The following MALRD1 variants were observed in gnomAD, a reference collection of about 807,000 sequenced individuals.
The protein encoded by MALRD1 is MAM and LDL receptor class A domain containing 1.
In MALRD1, 247 loss-of-function variants were observed where a neutral mutation model predicts 242.1. The ratio of observed to expected loss-of-function variants is 1.02; its 90% CI spans 0.92 to 1.13. The LOEUF (loss-of-function observed/expected upper bound fraction) is 1.13. Among genes scored for constraint, MALRD1 ranks in the 50% most tolerant of loss-of-function variants. MALRD1 has a pLI of 0.00. For missense variants in MALRD1, 2,989 were observed against 2,533.1 expected (o/e 1.18, Z -3.86); for synonymous variants, 995 against 866.6 (o/e 1.15, Z -2.60).
chr10:19,665,919 A>G (rs1013062861), intron 36 of MALRD1, among the ~76,000 whole-genome samples: 1 of 151,964 alleles, frequency 6.6e-6, no homozygotes, highest in African/African-American at 2.4e-5. Flanking sequence ...CCGTAACAGA[A>G]AACAGGCTGT....
chr10:19,212,739 TCCAAGC>T (rs1392983039), intron 18 of MALRD1, among the ~76,000 whole-genome samples: 3 of 152,156 alleles, frequency 2.0e-5, no homozygotes, highest in Non-Finnish European at 4.4e-5. Flanking sequence ...CTTCTCCACA[TCCAAGC>T]CAGTGCTTGG....
intron 17 of MALRD1, among the ~76,000 whole-genome samples, chr10:19,205,487 C>T (rs1171483853): frequency 1.3e-5 from 2 of 150,860 alleles, no homozygotes; most frequent in African/African-American, 4.9e-5. Context: ...ATAAATACAA[C>T]TACAGAGTCC....
At chr10:19,148,780 A>AT in intron 11 of MALRD1, among the ~76,000 whole-genome samples, 2 of 72,128 alleles carry the variant, frequency 2.8e-5, no homozygotes, top group African/African-American at 1.0e-4. Flanking sequence ...AATTAAAAAA[A>AT]AAAAAAAAAT....
chr10:19,435,065 A>G (rs1400718848), intron 28 of MALRD1, among the ~76,000 whole-genome samples: 1 of 150,906 alleles, frequency 6.6e-6, no homozygotes, highest in Non-Finnish European at 1.5e-5. Context: ...TGACTTTGTC[A>G]GATGCAATTT....
At chr10:19,694,425 CA>C (rs1196529531) in intron 38 of MALRD1, among the ~76,000 whole-genome samples, 1 of 152,180 alleles carries the variant, frequency 6.6e-6, no homozygotes, top group East Asian at 1.9e-4. Flanking sequence ...TATGAACAGA[CA>C]CTTCTCAAAA....
At chr10:19,244,504 A>G (rs951744675) in intron 18 of MALRD1, among the ~76,000 whole-genome samples, 1 of 151,992 alleles carries the variant, frequency 6.6e-6, no homozygotes, top group African/African-American at 2.4e-5. Context: ...CGAGAGGCAG[A>G]GGTGTGAGCC....
At chr10:19,129,662 A>C (rs1192017190) in intron 8 of MALRD1, among the ~76,000 whole-genome samples, 1 of 151,558 alleles carries the variant, frequency 6.6e-6, no homozygotes, top group Non-Finnish European at 1.5e-5. Flanking sequence ...TTGATTAGGA[A>C]ATTAACAGGT....
At chr10:19,467,741 T>G (rs1836292078) in intron 29 of MALRD1, among the ~76,000 whole-genome samples, 1 of 151,878 alleles carries the variant, frequency 6.6e-6, no homozygotes, top group Non-Finnish European at 1.5e-5. Flanking sequence ...AATGCTAGTA[T>G]GTATTATTTC....
intron 2 of MALRD1, among the ~76,000 whole-genome samples, chr10:19,068,497 G>A (rs1835047505): frequency 6.6e-6 from 1 of 152,000 alleles, no homozygotes; most frequent in African/African-American, 2.4e-5. Context: ...TGTAGTCTCA[G>A]TTTCCTTATC....
intron 24 of MALRD1, among the ~76,000 whole-genome samples, chr10:19,347,393 A>G (rs1844180458): frequency 1.3e-5 from 2 of 152,188 alleles, no homozygotes. Context: ...GGGCAGCATT[A>G]CCCAACCTAA....
chr10:19,259,310 C>T (rs1577291), intron 19 of MALRD1, among the ~76,000 whole-genome samples: 2,315 of 152,194 alleles, frequency 0.015, 63 homozygotes, highest in African/African-American at 0.053. Context: ...TACTTGAGCA[C>T]TTCAGCCAAT....
intron 17 of MALRD1, among the ~76,000 whole-genome samples, chr10:19,208,591 G>T (rs993225591): frequency 2.0e-5 from 3 of 152,124 alleles, no homozygotes; most frequent in Non-Finnish European, 4.4e-5. Context: ...AAGAGATTTT[G>T]GGAATGAGGT....
At chr10:19,654,546 T>C (rs1841052307) in intron 36 of MALRD1, among the ~76,000 whole-genome samples, 1 of 152,156 alleles carries the variant, frequency 6.6e-6, no homozygotes, top group Non-Finnish European at 1.5e-5. Flanking sequence ...CTGACTATAT[T>C]TGAGAAAGGA....
intron 38 of MALRD1, among the ~76,000 whole-genome samples, chr10:19,729,972 C>T (rs1009922432): frequency 4.6e-5 from 7 of 151,780 alleles, no homozygotes; most frequent in Admixed American, 1.3e-4. Flanking sequence ...CTCCTGACCT[C>T]GTGATCCGCC....
intron 1 of MALRD1, among the ~76,000 whole-genome samples, chr10:19,050,881 A>T (rs1384791999): frequency 6.6e-6 from 1 of 152,204 alleles, no homozygotes; most frequent in African/African-American, 2.4e-5. Context: ...TGCTTCAGAG[A>T]AAAGGTTAAC....
intron 2 of MALRD1, among the ~76,000 whole-genome samples, chr10:19,071,992 G>T (rs1424634099): frequency 6.6e-6 from 1 of 152,170 alleles, no homozygotes; most frequent in Non-Finnish European, 1.5e-5. Context: ...GCTCTTGTCT[G>T]TGGTGAACTT....
At chr10:19,362,483 A>G (rs974853101) in intron 26 of MALRD1, among the ~76,000 whole-genome samples, 2 of 152,134 alleles carry the variant, frequency 1.3e-5, no homozygotes, top group Non-Finnish European at 2.9e-5. Flanking sequence ...CTTGAAGGAG[A>G]TATGGAAATT....
chr10:19,452,481 G>A (rs1171316517), intron 29 of MALRD1, among the ~76,000 whole-genome samples: 3 of 152,134 alleles, frequency 2.0e-5, no homozygotes, highest in Admixed American at 2.0e-4. Flanking sequence ...GTCAATTATA[G>A]TTGAATATAG....
chr10:19,722,638 T>TTTAA (rs1344905719), intron 38 of MALRD1: 34 of 91,910 alleles, frequency 3.7e-4, no homozygotes, highest in African/African-American at 1.4e-3. Flanking sequence ...AAATTTAAAA[T>TTTAA]ACTACAGTGA....
Sources: allele counts gnomAD v4.1 joint callset (sites outside exome capture counted in the v4.1 genomes callset), GRCh38; gene constraint gnomAD v4.1.1; transcripts MANE v1.5; gene names NCBI Gene and HGNC (gene_info 2026-07-23, HGNC 2026-07-21).